The following GRM7 variants were observed in gnomAD, a reference collection of about 807,000 sequenced individuals.
The protein encoded by GRM7 is metabotropic glutamate receptor 7.
A neutral mutation model predicts 84.5 loss-of-function variants in GRM7; 35 were observed. The observed-to-expected ratio is 0.41, with a 90% CI of 0.32 to 0.55. GRM7 has a LOEUF of 0.55. Among genes scored for constraint, GRM7 ranks in the 20% least tolerant of loss-of-function variants. The probability of loss-of-function intolerance (pLI) is 0.19; values close to 1 mark genes in which losing one functional copy is unlikely to be tolerated. For synonymous variants in GRM7, 487 were observed against 455.1 expected, an observed-to-expected ratio of 1.07 and a Z score of -0.89; for missense variants, 1,003 against 1,194.6, an observed-to-expected ratio of 0.84 and a Z score of 2.36.
chr3:6,865,354 A>G (rs1483459000), intron 1 of GRM7, among the ~76,000 whole-genome samples: 1 of 152,210 alleles, frequency 6.6e-6, no homozygotes, highest in Non-Finnish European at 1.5e-5. Flanking sequence ...TATGGGCAAT[A>G]AGTAAGGTAT....
chr3:7,018,316 G>A (rs1330046975), intron 1 of GRM7, among the ~76,000 whole-genome samples: 3 of 152,200 alleles, frequency 2.0e-5, no homozygotes, highest in African/African-American at 7.2e-5. Flanking sequence ...TGATTCCAGA[G>A]ATTTGGAATA....
At chr3:7,696,436 G>C (rs774936980) in intron 9 of GRM7, among the ~76,000 whole-genome samples, 1 of 152,266 alleles carries the variant, frequency 6.6e-6, no homozygotes, top group Non-Finnish European at 1.5e-5. Flanking sequence ...CTACAGTAAG[G>C]CCCTGTATCT....
At chr3:7,535,203 T>C (rs908284760) in intron 7 of GRM7, 1 of 151,716 alleles carries the variant, frequency 6.6e-6, no homozygotes, top group Non-Finnish European at 1.5e-5. Context: ...AAACAATTAG[T>C]GTCTCAGGAA....
chr3:7,554,932 G>C (rs1430228357), intron 7 of GRM7, among the ~76,000 whole-genome samples: 1 of 152,226 alleles, frequency 6.6e-6, no homozygotes, highest in Non-Finnish European at 1.5e-5. Flanking sequence ...CCCCAAGGGA[G>C]AGTGGCAGTG....
intron 1 of GRM7, among the ~76,000 whole-genome samples, chr3:6,882,956 G>T (rs1559304419): frequency 6.6e-6 from 1 of 152,110 alleles, no homozygotes; most frequent in Non-Finnish European, 1.5e-5. Context: ...AAATTGAAGG[G>T]CCACTTTTCA....
At chr3:7,090,068 C>A (rs551118964) in intron 1 of GRM7, among the ~76,000 whole-genome samples, 10 of 152,186 alleles carry the variant, frequency 6.6e-5, no homozygotes, top group Admixed American at 3.3e-4. Flanking sequence ...GTCTTGAACT[C>A]CTGACCTCAG....
chr3:7,198,851 C>T (rs955391857), intron 2 of GRM7, among the ~76,000 whole-genome samples: 85 of 152,176 alleles, frequency 5.6e-4, no homozygotes, highest in African/African-American at 1.9e-3. Context: ...TAGAGTGTTA[C>T]GTTTAACTCA....
At chr3:6,867,998 C>T (rs1694994229) in intron 1 of GRM7, among the ~76,000 whole-genome samples, 2 of 152,154 alleles carry the variant, frequency 1.3e-5, no homozygotes, top group African/African-American at 4.8e-5. Context: ...GGATATATGT[C>T]ACATTTTATG....
intron 7 of GRM7, among the ~76,000 whole-genome samples, chr3:7,547,398 G>T (rs889119061): frequency 6.6e-6 from 1 of 151,890 alleles, no homozygotes; most frequent in East Asian, 1.9e-4. Flanking sequence ...AGTAGAGATG[G>T]GGTTTCACTG....
In GRM7 at chr3:7,283,289, G is replaced by A. The variant is rs369904413; in HGVS notation, c.737-15395G>A. Among the ~76,000 whole-genome samples, 7 of 152,134 alleles carry A rather than the reference G, an allele frequency of 4.6e-5. No individual in the cohort carries two copies. In the East Asian group the frequency reaches 9.7e-4, roughly 21 times the overall value. ...CATCCTTAAAATGAAGGCAAGAGTAGTTTCAACCTTGTAAACATTTTTGTG... is the reference window on the plus strand; with the variant it reads ...CATCCTTAAAATGAAGGCAAGAGTAATTTCAACCTTGTAAACATTTTTGTG... On this transcript the variant is annotated intron_variant, in intron 2 of 9. Transcript: ENST00000357716.
chr3:7,126,097 G>A (rs979899400), intron 1 of GRM7, among the ~76,000 whole-genome samples: 1 of 152,128 alleles, frequency 6.6e-6, no homozygotes, highest in Non-Finnish European at 1.5e-5. Context: ...TGGGAGCCAG[G>A]GAAAATCACA....
At chr3:7,725,876 A>C (rs1702107098) in intron 9 of GRM7, among the ~76,000 whole-genome samples, 1 of 152,134 alleles carries the variant, frequency 6.6e-6, no homozygotes, top group Non-Finnish European at 1.5e-5. Context: ...TAAAACAGCT[A>C]AATAGAGATA....
chr3:7,159,331 A>T (rs1407797539), intron 2 of GRM7, among the ~76,000 whole-genome samples: 1 of 152,210 alleles, frequency 6.6e-6, no homozygotes, highest in East Asian at 1.9e-4. Flanking sequence ...CTGGCTCAAG[A>T]TCAATTTGCT....
intron 5 of GRM7, among the ~76,000 whole-genome samples, chr3:7,429,227 G>A (rs1271924167): frequency 2.6e-5 from 4 of 151,970 alleles, no homozygotes; most frequent in Admixed American, 1.3e-4. Context: ...GTTTTAAGGA[G>A]AAGCACTAAA....
chr3:7,148,486 G>A (rs1387430308), intron 2 of GRM7, among the ~76,000 whole-genome samples: 1 of 152,144 alleles, frequency 6.6e-6, no homozygotes, highest in Non-Finnish European at 1.5e-5. Flanking sequence ...CAGTGTTCAT[G>A]AGGTCAAAAT....
intron 9 of GRM7, among the ~76,000 whole-genome samples, chr3:7,688,384 G>A (rs1700667141): frequency 6.6e-6 from 1 of 151,888 alleles, no homozygotes; most frequent in South Asian, 2.1e-4. Flanking sequence ...AATATCATAG[G>A]GCTTTTATTA....
intron 7 of GRM7, among the ~76,000 whole-genome samples, chr3:7,522,896 AAC>A (rs1313749951): frequency 7.4e-6 from 1 of 135,348 alleles, no homozygotes; most frequent in East Asian, 2.3e-4. Context: ...TCTTCAAGGA[AAC>A]AAGAGAGAGG....
intron 1 of GRM7, among the ~76,000 whole-genome samples, chr3:7,041,979 C>T (rs750861915): frequency 6.6e-6 from 1 of 152,182 alleles, no homozygotes; most frequent in Non-Finnish European, 1.5e-5. Context: ...ATTCAGAGAG[C>T]TATCAGATAG....
chr3:7,094,995 A>G (rs1266682273), intron 1 of GRM7, among the ~76,000 whole-genome samples: 3 of 142,170 alleles, frequency 2.1e-5, no homozygotes, highest in Admixed American at 1.3e-4. Flanking sequence ...TTTTTTTTTT[A>G]ACCTGGGGAG....
Sources: gnomAD v4.1 joint callset for allele counts (sites outside exome capture counted in the v4.1 genomes callset) on GRCh38, gnomAD v4.1.1 for gene constraint, MANE v1.5 for transcripts, NCBI Gene and HGNC (gene_info 2026-07-23, HGNC 2026-07-21) for gene names.